NRF1: variants seen among roughly 807,000 people sequenced by gnomAD.
The protein encoded by NRF1 is alpha palindromic-binding protein.
Under a neutral mutation model 58.5 loss-of-function variants are expected in NRF1, and 5 were observed. The ratio of observed to expected loss-of-function variants is 0.09; its 90% confidence interval spans 0.04 to 0.18. The LOEUF (loss-of-function observed/expected upper bound fraction) is 0.18, where lower values mean the gene tolerates loss of function less well. NRF1 is among the 10% of genes least tolerant of loss of function. The pLI, the probability that NRF1 is intolerant of heterozygous loss-of-function variation, is 1.00. For missense variants in NRF1, 288 were observed against 657.7 expected (o/e 0.44, Z 6.15); for synonymous variants, 224 against 246.7 (o/e 0.91, Z 0.86).
chr7:129,648,950 G>C (rs761818548), intron 1 of NRF1, among the ~76,000 whole-genome samples: 27 of 151,238 alleles, frequency 1.8e-4, no homozygotes, highest in Non-Finnish European at 3.4e-4. Context: ...GAGCCCAGTG[G>C]TGTGGGAGGG....
At chr7:129,718,470 A>G (rs1438549469) in intron 9 of NRF1, among the ~76,000 whole-genome samples, 1 of 152,238 alleles carries the variant, frequency 6.6e-6, no homozygotes, top group Non-Finnish European at 1.5e-5. Context: ...CTCTTGCGGC[A>G]TGCCAGCTCT....
intron 1 of NRF1, among the ~76,000 whole-genome samples, chr7:129,656,783 G>T (rs1801667173): frequency 6.6e-6 from 1 of 152,056 alleles, no homozygotes; most frequent in Non-Finnish European, 1.5e-5. Flanking sequence ...TGCCATGTTG[G>T]CCAGGCTGGT....
chr7:129,719,471 G>C (rs1423842166), intron 9 of NRF1, among the ~76,000 whole-genome samples: 2 of 146,666 alleles, frequency 1.4e-5, no homozygotes, highest in African/African-American at 2.5e-5. Context: ...CCAGAGATTG[G>C]TGGTTGATTA....
Position 129,619,459 on chromosome 7 carries a change from CGTGTGTGTGTGTGTGT to C in NRF1, c.-7+7652_-7+7667del, listed in dbSNP as rs199945725. 4.9e-3 allele frequency among the ~76,000 whole-genome samples: 299 copies of C among 61,154 alleles called. 14 individuals carry two copies. The highest frequency in any genetic ancestry group is 0.021 in the African/African-American group (281 of 13,378). 40.1% of individuals were successfully genotyped at this position (61,154 alleles called of 152,430 possible). On this transcript the variant is annotated intron_variant, in intron 1 of 10. Coordinates refer to ENST00000393232, the MANE Select transcript of NRF1 (RefSeq NM_005011.5). The stretch of plus-strand genomic sequence containing the variant: ...ACACACACACACACATATATATACA[CGTGTGTGTGTGTGTGT>C]GTGTGTGTGTGTGTGTATATATATA...
At chr7:129,635,524 C>G (rs1201166580) in intron 1 of NRF1, among the ~76,000 whole-genome samples, 2 of 152,102 alleles carry the variant, frequency 1.3e-5, no homozygotes, top group African/African-American at 4.8e-5. Context: ...AGCAGAATAT[C>G]AATAGATTCT....
Position 129,737,542 on chromosome 7 carries a change from A to G in NRF1, c.1348+10177A>G, listed in dbSNP as rs559045691. Among the ~76,000 whole-genome samples the G allele has an allele frequency of 4.6e-5, 7 of 152,210 alleles. No individual in the cohort carries two copies. The South Asian group carries it at 1.5e-3, about 32-fold the overall frequency. ...ATGAGAGGGATGATGCCAATCCTCC[A>G]CATGTTAGACTGTAAAACACATCTC... On this transcript the variant is annotated intron_variant, in intron 10 of 10. Transcript: ENST00000393232.
chr7:129,620,118 C>T (rs1337980717), intron 1 of NRF1, among the ~76,000 whole-genome samples: 2 of 152,154 alleles, frequency 1.3e-5, no homozygotes, highest in African/African-American at 4.8e-5. Flanking sequence ...AATCAGTTAT[C>T]TCAACAAGTG....
intron 4 of NRF1, among the ~76,000 whole-genome samples, chr7:129,679,310 A>G (rs1802252223): frequency 6.6e-6 from 1 of 152,230 alleles, no homozygotes; most frequent in South Asian, 2.1e-4. Context: ...AGCAGCTGCA[A>G]GTAATAGAAT....
At chr7:129,671,288 A>T in intron 2 of NRF1, 141 bp from the exon 3 acceptor site, 1 of 563,368 alleles carries the variant, frequency 1.8e-6, no homozygotes, top group Non-Finnish European at 3.2e-6. Context: ...AGTGAAGTAT[A>T]TTGATAATAT....
intron 1 of NRF1, among the ~76,000 whole-genome samples, chr7:129,630,496 T>C (rs1940421994): frequency 6.6e-6 from 1 of 152,184 alleles, no homozygotes; most frequent in African/African-American, 2.4e-5. Flanking sequence ...CTTGATCTAG[T>C]AATGTCTTTT....
chr7:129,742,540 G>A (rs1006905327), intron 10 of NRF1, among the ~76,000 whole-genome samples: 1 of 152,202 alleles, frequency 6.6e-6, no homozygotes, highest in Non-Finnish European at 1.5e-5. Flanking sequence ...TCATGCAGAG[G>A]CCTGGTGGGG....
At chr7:129,619,681 T>C (rs967732202) in intron 1 of NRF1, among the ~76,000 whole-genome samples, 2 of 148,640 alleles carry the variant, frequency 1.3e-5, no homozygotes, top group African/African-American at 5.0e-5. Flanking sequence ...TTAAATGCTT[T>C]GGGAGATGAC....
At chr7:129,751,030 C>T (rs1804102915) in intron 10 of NRF1, among the ~76,000 whole-genome samples, 1 of 152,192 alleles carries the variant, frequency 6.6e-6, no homozygotes, top group South Asian at 2.1e-4. Context: ...GGGGACAAGA[C>T]ATACGAGCAG....
chr7:129,653,769 A>T (rs1329805379), intron 1 of NRF1, among the ~76,000 whole-genome samples: 1 of 152,170 alleles, frequency 6.6e-6, no homozygotes, highest in African/African-American at 2.4e-5. Flanking sequence ...ACTTAGCAAT[A>T]TGCATTTAAG....
At chr7:129,620,333 G>A (rs1377234087) in intron 1 of NRF1, among the ~76,000 whole-genome samples, 1 of 150,672 alleles carries the variant, frequency 6.6e-6, no homozygotes, top group Non-Finnish European at 1.5e-5. Context: ...CTTAGTATAT[G>A]TTTATTCATG....
At position 129,727,283 on chromosome 7, in the gene NRF1, C is replaced by T. The variant is rs1481842344; in HGVS notation, c.1266C>T (p.Thr422=). The T allele has an allele frequency of 6.2e-7, 1 of 1,606,440 alleles. No individual in the cohort carries two copies. Among genetic ancestry groups the T allele is most frequent in the African/African-American group, 1.3e-5 (1 of 74,480 alleles). The part of the protein sequence containing the change: ...AHAVATLAEA[T]LQGGGQIVLS... ...CTGTCGCCACCCTGGCTGAGGCCACCTTACAAGGTGGGGGACAGATCGTCT... is the reference window on the plus strand; with the variant it reads ...CTGTCGCCACCCTGGCTGAGGCCACTTTACAAGGTGGGGGACAGATCGTCT... The change falls in exon 10 of 11, where the codon ACC becomes ACT. Residue 422 remains threonine (T), a synonymous_variant. Transcript: ENST00000393232.
chr7:129,755,856 G>A lies in NRF1; in HGVS notation c.*675G>A, dbSNP rs934026632. On this transcript the variant is annotated 3_prime_UTR_variant, in exon 11 of 11. Coordinates refer to ENST00000393232, the MANE Select transcript of NRF1 (RefSeq NM_005011.5). The surrounding 1 kb of genome is among the most constrained non-coding windows in gnomAD (Gnocchi z 5.8). ...GCTTGCAAGGTCCAGGGACTGCGTG[G>A]TCTGCCAGCTGAGATGCTCCTCGGG... is the stretch of plus-strand genomic sequence containing the variant. 1 of 152,704 alleles carries A rather than the reference G, an allele frequency of 6.5e-6. No individual in the cohort carries two copies. Among genetic ancestry groups the A allele is most frequent in the Admixed American group, 6.5e-5 (1 of 15,278 alleles). 9.5% of individuals were successfully genotyped at this position (152,704 alleles called of 1,614,324 possible). A position where few individuals can be genotyped will look rare whatever the true frequency, so the allele number is the denominator to read the frequency against.
intron 1 of NRF1, among the ~76,000 whole-genome samples, chr7:129,655,722 A>G (rs908838028): frequency 2.6e-5 from 4 of 152,022 alleles, no homozygotes; most frequent in African/African-American, 9.7e-5. Flanking sequence ...GGGTTTTTCC[A>G]TGTTGGCCAG....
rs189671165 is a variant in NRF1, at chr7:129,724,884, G to A, written c.1224-2357G>A. On this transcript the variant is annotated intron_variant, in intron 9 of 10. Coordinates refer to ENST00000393232, the MANE Select transcript of NRF1 (RefSeq NM_005011.5). ...TCAAACTCTTAGAAGAAAACATGGG[G>A]GCAAAATGTAATGACATTGGATTTG... 3.9e-5 allele frequency among the ~76,000 whole-genome samples: 6 copies of A among 152,148 alleles called. No individual in the cohort carries two copies. The East Asian group carries it at 1.2e-3, about 29-fold the overall frequency.
Sources: gnomAD v4.1 joint callset for allele counts (sites outside exome capture counted in the v4.1 genomes callset) on GRCh38, gnomAD v4.1.1 for gene constraint, Gnocchi (gnomAD v3.1) non-coding constraint, MANE v1.5 for transcripts, NCBI Gene and HGNC (gene_info 2026-07-23, HGNC 2026-07-21) for gene names.